RBM23: variants seen among roughly 807,000 people sequenced by gnomAD.
RBM23 encodes RNA binding motif protein 23, also known as probable RNA-binding protein 23.
In RBM23, 53 loss-of-function variants were observed where a neutral mutation model predicts 56.2. The observed-to-expected ratio is 0.94, with a 90% CI of 0.76 to 1.19. The LOEUF is 1.19. RBM23 is among the 50% of genes most tolerant of loss of function. RBM23 has a pLI of 0.00. For synonymous variants in RBM23, 197 were observed against 198.5 expected (o/e 0.99, Z 0.06); for missense variants, 642 against 590.3 (o/e 1.09, Z -0.91).
In RBM23 at chr14:22,904,262, G is replaced by A. The variant is rs758826160; in HGVS notation, c.929C>T (p.Thr310Met). Residue 310 changes from threonine (T) to methionine (M), a missense_variant and splice_region_variant, in exon 10 of 14, where the codon ACG becomes ATG. By Grantham distance (81) the Thr-to-Met change is moderately conservative (BLOSUM62 -1). Transcript: ENST00000359890. Reference sequence around the variant, plus strand: ...AAAATTAAAAGACTAGAGACTCACCGTGATGAAACCATAACCTTTAGAGCG... The same window carrying A: ...AAAATTAAAAGACTAGAGACTCACCATGATGAAACCATAACCTTTAGAGCG... ...TGRSKGYGFI[T>M]FSDSECARRA... 106 of 1,613,790 alleles carry A rather than the reference G, an allele frequency of 6.6e-5. 1 individual carries two copies. The highest frequency in any genetic ancestry group is 8.0e-5 in the Non-Finnish European group (94 of 1,179,858).
At chr14:22,908,844 T>C (rs2042005308) in intron 3 of RBM23, 1 of 156,200 alleles carries the variant, frequency 6.4e-6, no homozygotes, top group East Asian at 1.9e-4. Flanking sequence ...AATTGCACAA[T>C]ACCAACTTAC....
rs2040687423 is a variant in RBM23 at position 22,902,327 on chromosome 14, A to G, written c.986T>C (p.Leu329Pro). 6.2e-7 allele frequency: 1 copy of G among 1,614,164 alleles called. No homozygotes were observed. Residue 329 changes from leucine to proline, a missense_variant, in exon 11 of 14, where the codon CTT (leucine) becomes CCT (proline). By Grantham distance (98) the Leu-to-Pro change is moderately conservative. Coordinates refer to ENST00000359890, the MANE Select transcript of RBM23 (RefSeq NM_001077351.2). ...RALEQLNGFE[L>P]AGRPMRVGHV... ...GCCAACCCTCATAGGTCGACCAGCA[A>G]GCTCAAACCCATTCAACTGTTCCAG...
intron 10 of RBM23, chr14:22,903,967 C>A: frequency 7.5e-7 from 1 of 1,339,102 alleles, no homozygotes; most frequent in Non-Finnish European, 9.6e-7. Context: ...CACCCCCAAC[C>A]TTTTAGCTGC....
At chr14:22,913,282 C>T (rs966798763) in intron 1 of RBM23, among the ~76,000 whole-genome samples, 34 of 150,812 alleles carry the variant, frequency 2.3e-4, no homozygotes, top group Admixed American at 9.9e-4. Flanking sequence ...GGCGTGGTGG[C>T]GGGTGCTTGT....
chr14:22,909,380 G>A lies in RBM23; in HGVS notation c.179+103C>T, dbSNP rs951201554. On this transcript the variant is annotated intron_variant, in intron 3 of 13. Transcript: ENST00000359890. ...TAGGTGGAGCCATTACTAACAGTCAGCAGTCTTAACAGAAACAATCTCCCT... is the reference window on the plus strand; with the variant it reads ...TAGGTGGAGCCATTACTAACAGTCAACAGTCTTAACAGAAACAATCTCCCT... 2.3e-5 allele frequency: 20 copies of A among 871,886 alleles called. No individual in the cohort carries two copies. In the African/African-American group the frequency reaches 2.3e-4, roughly 10 times the overall value. The allele number at this position is 871,886 out of a possible 1,614,324, so 54.0% of individuals were successfully genotyped here.
In RBM23 at chr14:22,902,109, A is replaced by G. The variant is rs760423784; in HGVS notation, c.1127-10T>C. ...AGTTGGATTCCAGCGCCTAAAAGGAAAAGAAAAGGTGGGATTAAGCCCCAA... is the reference window on the plus strand; with the variant it reads ...AGTTGGATTCCAGCGCCTAAAAGGAGAAGAAAAGGTGGGATTAAGCCCCAA... On this transcript the variant is annotated splice_polypyrimidine_tract_variant and intron_variant, in intron 11 of 13. Coordinates refer to ENST00000359890, the MANE Select transcript of RBM23 (RefSeq NM_001077351.2). 3 of 1,606,218 alleles carry G rather than the reference A, an allele frequency of 1.9e-6. No individual in the cohort carries two copies. Among genetic ancestry groups the G allele is most frequent in the Non-Finnish European group, 2.6e-6 (3 of 1,175,144 alleles).
intron 10 of RBM23, chr14:22,902,634 T>G: frequency 8.2e-7 from 1 of 1,212,940 alleles, no homozygotes; most frequent in Non-Finnish European, 1.0e-6. Flanking sequence ...ATGCAAAATT[T>G]TATTATTGTA....
In RBM23 at chr14:22,906,179, T is replaced by A; in HGVS notation, c.401+16A>T. The A allele has an allele frequency of 6.2e-7, 1 of 1,612,728 alleles. No homozygotes were observed. Among genetic ancestry groups the A allele is most frequent in the South Asian group, 1.1e-5 (1 of 91,032 alleles). On this transcript the variant is annotated intron_variant, in intron 5 of 13. Coordinates refer to ENST00000359890, the MANE Select transcript of RBM23 (RefSeq NM_001077351.2). Reference sequence around the variant, plus strand: ...GATTATTATACAAAAGTGAATCTATTAGCAAAAAGTGATACCCAGTGGCAA... The same window carrying A: ...GATTATTATACAAAAGTGAATCTATAAGCAAAAAGTGATACCCAGTGGCAA...
At chr14:22,916,887 TGA>T (rs956406929) in intron 1 of RBM23, 3 of 152,082 alleles carry the variant, frequency 2.0e-5, no homozygotes, top group South Asian at 2.1e-4. Flanking sequence ...TGTTTTTTTT[TGA>T]GAGAGTTTCA....
intron 2 of RBM23, among the ~76,000 whole-genome samples, chr14:22,910,679 G>C (rs1219003642): frequency 6.6e-6 from 1 of 151,790 alleles, no homozygotes; most frequent in Non-Finnish European, 1.5e-5. Flanking sequence ...GACCAGCCCA[G>C]GCAACATAGC....
chr14:22,906,809 C>T (rs1024841507), intron 4 of RBM23, among the ~76,000 whole-genome samples: 2 of 151,600 alleles, frequency 1.3e-5, no homozygotes, highest in Non-Finnish European at 2.9e-5. Flanking sequence ...GAGGCCAAGG[C>T]GGGCAGATCA....
In RBM23 at chr14:22,910,406, C is replaced by T. The variant is rs1199744000; in HGVS notation, c.67-811G>A. On this transcript the variant is annotated intron_variant, in intron 2 of 13. Transcript: ENST00000359890. ...GGCAGAGGTTGTGGTGAGCTGAGAA[C>T]GCGCCACTGCACTCCAGCCTGGGCA... 3.5e-5 allele frequency among the ~76,000 whole-genome samples: 4 copies of T among 113,754 alleles called. No homozygotes were observed. In the East Asian group the frequency reaches 8.6e-4, roughly 25 times the overall value. The allele number at this position is 113,754 out of a possible 152,430, so 74.6% of individuals were successfully genotyped here.
chr14:22,908,373 T>G lies in RBM23; in HGVS notation c.187A>C (p.Arg63=). The stretch of plus-strand genomic sequence containing the variant: ...CTGCTTTTATTATGGCTCCGACTCC[T>G]CTTCTTCCTGTGAAAGAGAGTACAT... ...STIGETSKKK[R]SRSHNKSRDR... The change falls in exon 4 of 14, where the codon AGG becomes CGG. Residue 63 remains arginine, a synonymous_variant. Transcript: ENST00000359890. The G allele has an allele frequency of 6.5e-7, 1 of 1,548,870 alleles. No individual in the cohort carries two copies. Among genetic ancestry groups the G allele is most frequent in the Non-Finnish European group, 8.7e-7 (1 of 1,146,770 alleles).
In RBM23 at chr14:22,905,345, A is replaced by G; in HGVS notation, c.564T>C (p.Ala188=). 1 of 1,614,146 alleles carries G rather than the reference A, an allele frequency of 6.2e-7. No homozygotes were observed. The highest frequency in any genetic ancestry group is 8.5e-7 in the Non-Finnish European group (1 of 1,180,026). ...RPRDLEDFFS[A]VGKVRDVRII... ...AAGGTGGGAGGGTTACCTTGCCTAC[A>G]GCAGAGAAAAAGTCCTCCAGATCTC... The change falls in exon 7 of 14, where the codon GCT becomes GCC. Residue 188 remains alanine, a synonymous_variant. Transcript: ENST00000359890.
In RBM23 at chr14:22,902,002, G is replaced by A. The variant is rs370965076; in HGVS notation, c.1224C>T (p.Ala408=). The change falls in exon 12 of 14, where the codon GCC becomes GCT. Residue 408 remains alanine (A), a synonymous_variant. Transcript: ENST00000359890. The part of the protein sequence containing the change: ...LQLNGAVPLG[A]LNPAALTALS... ...TACCAGTCAGAGCTGCTGGATTCAG[G>A]GCCCCCAAGGGAACTGCTCCATTCA... 1 of 1,611,720 alleles carries A rather than the reference G, an allele frequency of 6.2e-7. No homozygotes were observed. Among genetic ancestry groups the A allele is most frequent in the African/African-American group, 1.3e-5 (1 of 74,836 alleles).
intron 2 of RBM23, among the ~76,000 whole-genome samples, chr14:22,910,472 A>AG (rs2042306105): frequency 7.5e-6 from 1 of 133,090 alleles, no homozygotes; most frequent in African/African-American, 2.7e-5. Context: ...AAAAAAAAAA[A>AG]AAAGAAAGGA....
chr14:22,904,162 T>C (rs2041111246), intron 10 of RBM23, 99 bp downstream of exon 10: 9 of 1,599,704 alleles, frequency 5.6e-6, no homozygotes, highest in Non-Finnish European at 7.7e-6. Flanking sequence ...ATGGGTCATT[T>C]AGACAGTTCC....
intron 1 of RBM23, among the ~76,000 whole-genome samples, chr14:22,918,400 TAAAA>T (rs34898728): frequency 1.3e-5 from 2 of 149,410 alleles, no homozygotes; most frequent in Non-Finnish European, 3.0e-5. Flanking sequence ...CTTAAAAAAA[TAAAA>T]AAAAAGAGGT....
chr14:22,906,462 G>A, intron 4 of RBM23, 94 bp from the exon 5 acceptor site: 9 of 1,428,928 alleles, frequency 6.3e-6, no homozygotes, highest in Non-Finnish European at 7.7e-6. Context: ...TTATAACGGT[G>A]CTGAGAAGTT....
Sources: gnomAD v4.1 joint callset for allele counts (sites outside exome capture counted in the v4.1 genomes callset) on GRCh38, gnomAD v4.1.1 for gene constraint, MANE v1.5 for transcripts, NCBI Gene and HGNC (gene_info 2026-07-23, HGNC 2026-07-21) for gene names.